Variants in BIRC7 observed in about 807,000 individuals in gnomAD.
BIRC7 encodes baculoviral IAP repeat-containing protein 7.
A neutral mutation model predicts 33.2 loss-of-function variants in BIRC7; 26 were observed. The observed-to-expected ratio is 0.78, with a 90% CI of 0.57 to 1.09. The LOEUF (loss-of-function observed/expected upper bound fraction) is 1.09, where lower values mean the gene tolerates loss of function less well. Among genes scored for constraint, BIRC7 ranks in the 50% least tolerant of loss-of-function variants. BIRC7 has a pLI of 0.00. For missense variants in BIRC7, 409 were observed against 401.2 expected, an observed-to-expected ratio of 1.02 and a Z score of -0.17; for synonymous variants, 176 against 171.0, an observed-to-expected ratio of 1.03 and a Z score of -0.23.
chr20:63,239,277 G>A, intron 5 of BIRC7, 44 bp downstream of exon 5: 1 of 1,609,640 alleles, frequency 6.2e-7, no homozygotes, highest in Non-Finnish European at 8.5e-7. Flanking sequence ...GGCAGGGGAG[G>A]GCTGAGGGAC....
At position 63,238,293 on chromosome 20, in the gene BIRC7, G is replaced by A. The variant is rs6010879; in HGVS notation, c.450-103G>A. ...CGCCCATGCCCACGGGCACTGCAGGGTGGCGGGAGGAGGGGGCCCAACCCT... is the reference window on the plus strand; with the variant it reads ...CGCCCATGCCCACGGGCACTGCAGGATGGCGGGAGGAGGGGGCCCAACCCT... On this transcript the variant is annotated intron_variant, in intron 2 of 6. Transcript: ENST00000217169. 5,760 of 1,380,810 alleles carry A rather than the reference G, an allele frequency of 4.2e-3. 190 individuals are homozygous for A. The African/African-American group carries it at 0.073, about 18-fold the overall frequency. 85.5% of individuals were successfully genotyped at this position (1,380,810 alleles called of 1,614,324 possible).
At position 63,236,263 on chromosome 20, in the gene BIRC7, T is replaced by TG. The variant is rs760696812; in HGVS notation, c.170dup (p.Gln58ProfsTer30). ...TGGGACCACGTGGATGGGCAGATCC[T>TG]GGGCCAGCTGCGGCCCCTGACAGAG... On this transcript the variant is annotated frameshift_variant, in exon 1 of 7. Transcript: ENST00000217169. LOFTEE classifies it high-confidence loss of function. 1 of 1,608,066 alleles carries TG rather than the reference T, an allele frequency of 6.2e-7. No homozygotes were observed. The highest frequency in any genetic ancestry group is 8.5e-7 in the Non-Finnish European group (1 of 1,177,642).
At position 63,235,979 on chromosome 20, in the gene BIRC7, T is replaced by C; in HGVS notation, c.-118T>C. 1 of 1,289,380 alleles carries C rather than the reference T, an allele frequency of 7.8e-7. No homozygotes were observed. Among genetic ancestry groups the C allele is most frequent in the South Asian group, 1.6e-5 (1 of 62,668 alleles). The allele number at this position is 1,289,380 out of a possible 1,614,324, so 79.9% of individuals were successfully genotyped here. On this transcript the variant is annotated 5_prime_UTR_variant, in exon 1 of 7. Transcript: ENST00000217169. ...GTGGCAGGCCTGTGCCTATCCCTGC[T>C]GTCCCCAGGGTGGGCCCCGGGGGTC...
At position 63,237,941 on chromosome 20, in the gene BIRC7, G is replaced by A. The variant is rs1346642906; in HGVS notation, c.388G>A (p.Gly130Ser). The A allele has an allele frequency of 6.8e-6, 11 of 1,608,458 alleles. No individual in the cohort carries two copies. The South Asian group carries it at 1.2e-4, about 18-fold the overall frequency. Residue 130 changes from glycine to serine, a missense_variant, in exon 2 of 7, where the codon GGC becomes AGC. Coordinates refer to ENST00000217169, the MANE Select transcript of BIRC7 (RefSeq NM_139317.3). ...GGTGAGGTGCTTCTTCTGCTATGGG[G>A]GCCTGCAGAGCTGGAAGCGCGGGGA... ...DKVRCFFCYG[G>S]LQSWKRGDDP...
intron 5 of BIRC7, 35 bp from the exon 6 acceptor site, chr20:63,239,323 G>C (rs1306687424): frequency 1.9e-6 from 3 of 1,603,310 alleles, no homozygotes; most frequent in African/African-American, 1.3e-5. Flanking sequence ...GTGGGGGCCA[G>C]GGTGTGGGGA....
At chr20:63,238,756 C>A in intron 4 of BIRC7, 142 bp downstream of exon 4, 2 of 1,197,250 alleles carry the variant, frequency 1.7e-6, no homozygotes, top group Non-Finnish European at 2.4e-6. Flanking sequence ...CCTGGGTTGG[C>A]TTCAGGGGGC....
intron 4 of BIRC7, chr20:63,238,957 G>C (rs1019887262): frequency 3.1e-6 from 2 of 651,610 alleles, no homozygotes; most frequent in African/African-American, 3.7e-5. Flanking sequence ...TTGGACAAGG[G>C]ACAGGCTCTC....
intron 1 of BIRC7, 69 bp downstream of exon 1, chr20:63,236,514 G>A (rs1337329517): frequency 2.7e-6 from 4 of 1,475,042 alleles, no homozygotes; most frequent in Non-Finnish European, 3.6e-6. Flanking sequence ...CCAGCCCAGG[G>A]CTCTGCCTCC....
At position 63,236,151 on chromosome 20, in the gene BIRC7, T is replaced by C; in HGVS notation, c.55T>C (p.Trp19Arg). ...GCACCGTGGACCACAGCCGAGCCAC[T>C]GGGCAGCCGGTGATGGTCCCACGCA... is the stretch of plus-strand genomic sequence containing the variant. ...CLHRGPQPSH[W>R]AAGDGPTQER... The change falls in exon 1 of 7, where the codon TGG (tryptophan) becomes CGG (arginine). Residue 19 changes from tryptophan to arginine, a missense_variant. Transcript: ENST00000217169. 6.3e-7 allele frequency: 1 copy of C among 1,591,696 alleles called. No individual in the cohort carries two copies. Among genetic ancestry groups the C allele is most frequent in the Non-Finnish European group, 8.6e-7 (1 of 1,168,414 alleles).
At position 63,239,629 on chromosome 20, in the gene BIRC7, C is replaced by G. The variant is rs115476972; in HGVS notation, c.*5+19C>G. On this transcript the variant is annotated intron_variant, in intron 6 of 6. Coordinates refer to ENST00000217169, the MANE Select transcript of BIRC7 (RefSeq NM_139317.3). ...AGGCCAGGTGAGCGCCCCAGCACCA[C>G]GCGCAGCCAGCCCTCCTGCGGAGGG... The G allele has an allele frequency of 3.9e-3, 6,152 of 1,576,168 alleles. 203 individuals are homozygous for G. In the African/African-American group the frequency reaches 0.074, roughly 19 times the overall value.
rs781088554 is a variant in BIRC7, at chr20:63,238,601, T to C, written c.564T>C (p.Pro188=). The change falls in exon 4 of 7, where the codon CCT becomes CCC. Residue 188 remains proline (P), a synonymous_variant. Coordinates refer to ENST00000217169, the MANE Select transcript of BIRC7 (RefSeq NM_139317.3). ...GGGAAGAACCGGAAGACGCAGCCCCTGTGGCCCCCTCCGGTGAGAGCTGAC... is the reference window on the plus strand; with the variant it reads ...GGGAAGAACCGGAAGACGCAGCCCCCGTGGCCCCCTCCGGTGAGAGCTGAC... ...DPWEEPEDAA[P]VAPSVPASGY... 3 of 1,612,934 alleles carry C rather than the reference T, an allele frequency of 1.9e-6. No homozygotes were observed. Among genetic ancestry groups the C allele is most frequent in the Non-Finnish European group, 1.7e-6 (2 of 1,179,966 alleles).
chr20:63,238,961 G>A, intron 4 of BIRC7: 2 of 655,608 alleles, frequency 3.1e-6, no homozygotes, highest in East Asian at 2.7e-5. Context: ...ACAAGGGACA[G>A]GCTCTCTGGT....
chr20:63,236,246 C>T lies in BIRC7; in HGVS notation c.150C>T (p.His50=), dbSNP rs756420920. The T allele has an allele frequency of 3.7e-6, 6 of 1,601,820 alleles. No individual in the cohort carries two copies. The highest frequency in any genetic ancestry group is 1.7e-4 in the Middle Eastern group (1 of 6,020). Residue 50 remains histidine, a synonymous_variant, in exon 1 of 7, where the codon CAC becomes CAT. Transcript: ENST00000217169. ...TGGACACCTGCAGAGCCTGGGACCA[C>T]GTGGATGGGCAGATCCTGGGCCAGC... ...LGLDTCRAWD[H]VDGQILGQLR... is the part of the protein sequence containing the mutation.
Position 63,237,905 on chromosome 20 carries a change from CATCA to C in BIRC7, c.353_356del (p.His118ArgfsTer4). 3.1e-6 allele frequency: 5 copies of C among 1,599,390 alleles called. No individual in the cohort carries two copies. Among genetic ancestry groups the C allele is most frequent in the Non-Finnish European group, 4.3e-6 (5 of 1,175,118 alleles). On this transcript the variant is annotated frameshift_variant, in exon 2 of 7. Transcript: ENST00000217169. LOFTEE classifies it high-confidence loss of function. Reference sequence around the variant, plus strand: ...GCCAGCATCTCTCCGCACCCCAGGCCATCAGGACAAGGTGAGGTGCTTCTTCTGC... The same window carrying C: ...GCCAGCATCTCTCCGCACCCCAGGCCGGACAAGGTGAGGTGCTTCTTCTGC...
intron 2 of BIRC7, 66 bp from the exon 3 acceptor site, chr20:63,238,330 A>T: frequency 6.3e-7 from 1 of 1,583,066 alleles, no homozygotes; most frequent in Non-Finnish European, 8.7e-7. Context: ...ACCCCCGGGG[A>T]TCCAAGGGCT....
chr20:63,238,420 AG>A lies in BIRC7; in HGVS notation c.476del (p.Gly159GlufsTer204). 1 of 1,612,286 alleles carries A rather than the reference AG, an allele frequency of 6.2e-7. No homozygotes were observed. Among genetic ancestry groups the A allele is most frequent in the South Asian group, 1.1e-5 (1 of 91,080 alleles). ...GCTGTCAGTTCCTGCTCCGGTCAAA[AG>A]GAAGAGACTTTGTCCACAGTGTGCA... Reference protein sequence around the residue: ...PSCQFLLRSKGRDFVHSVQET... With the variant: ...PSCQFLLRSKXRDFVHSVQET... On this transcript the variant is annotated frameshift_variant, in exon 3 of 7. Coordinates refer to ENST00000217169, the MANE Select transcript of BIRC7 (RefSeq NM_139317.3). LOFTEE classifies it high-confidence loss of function.
chr20:63,238,283 G>A, intron 2 of BIRC7, 113 bp from the exon 3 acceptor site: 1 of 1,294,210 alleles, frequency 7.7e-7, no homozygotes, highest in Non-Finnish European at 1.1e-6. Flanking sequence ...ATGCCCACGG[G>A]CACTGCAGGG....
chr20:63,239,175 G>A lies in BIRC7; in HGVS notation c.591G>A (p.Gly197=). 6.2e-7 allele frequency: 1 copy of A among 1,612,734 alleles called. No homozygotes were observed. Among genetic ancestry groups the A allele is most frequent in the Non-Finnish European group, 8.5e-7 (1 of 1,179,968 alleles). The change falls in exon 5 of 7, where the codon GGG becomes GGA. Residue 197 remains glycine, a synonymous_variant. Transcript: ENST00000217169. ...AACTGTCCACAGTCCCTGCCTCTGGGTACCCTGAGCTGCCCACACCCAGGA... is the reference window on the plus strand; with the variant it reads ...AACTGTCCACAGTCCCTGCCTCTGGATACCCTGAGCTGCCCACACCCAGGA... ...APVAPSVPAS[G]YPELPTPRRE...
intron 2 of BIRC7, 80 bp downstream of exon 2, chr20:63,238,082 A>G: frequency 7.6e-7 from 1 of 1,314,214 alleles, no homozygotes; most frequent in Non-Finnish European, 1.0e-6. Context: ...ACCCAACACC[A>G]GGCCTGCTTT....
Sources: allele counts gnomAD v4.1 joint callset, GRCh38; gene constraint gnomAD v4.1.1; transcripts MANE v1.5; gene names NCBI Gene and HGNC (gene_info 2026-07-23, HGNC 2026-07-21).